The following RNF180 variants were observed in gnomAD, a reference collection of about 807,000 sequenced individuals.
RNF180 encodes E3 ubiquitin-protein ligase RNF180.
In RNF180, 38 loss-of-function variants were observed where a neutral mutation model predicts 59.2. The ratio of observed to expected loss-of-function variants is 0.64; its 90% CI spans 0.50 to 0.84. The LOEUF is 0.84. RNF180 is among the 40% of genes least tolerant of loss of function. The pLI is 0.00. For synonymous variants in RNF180, 262 were observed against 240.3 expected, an observed-to-expected ratio of 1.09 and a Z score of -0.84; for missense variants, 705 against 700.9, an observed-to-expected ratio of 1.01 and a Z score of -0.07.
rs1453284607 is a variant in RNF180, at chr5:64,369,839, A to G, written c.*25A>G. 1.6e-6 allele frequency: 2 copies of G among 1,259,078 alleles called. No homozygotes were observed. Among genetic ancestry groups the G allele is most frequent in the Non-Finnish European group, 1.1e-6 (1 of 947,934 alleles). 78.0% of individuals were successfully genotyped at this position (1,259,078 alleles called of 1,614,324 possible). ...GGAATTTCATACCTTACTACAATTG[A>G]CCAATCATAAATGATGTAAATAACA... On this transcript the variant is annotated 3_prime_UTR_variant, in exon 8 of 8. Coordinates refer to ENST00000389100, the MANE Select transcript of RNF180 (RefSeq NM_001113561.2).
rs1360140408 is a variant in RNF180, at chr5:64,370,391, T to C, written c.*577T>C. 1 of 151,716 alleles carries C rather than the reference T, an allele frequency of 6.6e-6. No homozygotes were observed. The highest frequency in any genetic ancestry group is 2.4e-5 in the African/African-American group (1 of 41,376). 9.4% of individuals were successfully genotyped at this position (151,716 alleles called of 1,614,324 possible). ...ATCTAATTAGTACAACATTTTAAAT[T>C]ATTATAAACAGAATACTAAATACAA... On this transcript the variant is annotated 3_prime_UTR_variant, in exon 8 of 8. Transcript: ENST00000389100.
At chr5:64,317,545 T>TATATATAC (rs1744104312) in intron 5 of RNF180, among the ~76,000 whole-genome samples, 1 of 140,212 alleles carries the variant, frequency 7.1e-6, no homozygotes, top group South Asian at 2.2e-4. Flanking sequence ...TATGTATATT[T>TATATATAC]ATATATACAT....
At chr5:64,172,649 C>T (rs1750002767) in intron 1 of RNF180, among the ~76,000 whole-genome samples, 1 of 152,132 alleles carries the variant, frequency 6.6e-6, no homozygotes. Flanking sequence ...ACGTTATGTC[C>T]TTTCTCTGTT....
intron 7 of RNF180, among the ~76,000 whole-genome samples, chr5:64,364,204 T>A (rs1286497300): frequency 6.6e-6 from 1 of 151,894 alleles, no homozygotes; most frequent in Non-Finnish European, 1.5e-5. Context: ...TTCAGTATGA[T>A]GTTGGCTGTG....
At chr5:64,339,255 TTAC>T (rs1461035878) in intron 7 of RNF180, among the ~76,000 whole-genome samples, 1 of 152,156 alleles carries the variant, frequency 6.6e-6, no homozygotes, top group Non-Finnish European at 1.5e-5. Context: ...ATCCTTTCTG[TTAC>T]TGTCTTTGGA....
chr5:64,358,270 A>G (rs1193766351), intron 7 of RNF180, among the ~76,000 whole-genome samples: 1 of 151,818 alleles, frequency 6.6e-6, no homozygotes, highest in Non-Finnish European at 1.5e-5. Flanking sequence ...TTAAACTGAT[A>G]AATGCCTCTA....
intron 2 of RNF180, among the ~76,000 whole-genome samples, chr5:64,205,731 A>G (rs1751981776): frequency 6.6e-6 from 1 of 152,174 alleles, no homozygotes; most frequent in Admixed American, 6.6e-5. Flanking sequence ...AGAGTTAAGT[A>G]GTTCCTATCA....
chr5:64,338,634 CAA>C (rs201803022), intron 7 of RNF180, among the ~76,000 whole-genome samples: 25 of 102,536 alleles, frequency 2.4e-4, no homozygotes, highest in Admixed American at 3.1e-4. Flanking sequence ...GACTCCATCT[CAA>C]AAAAAAAAAA....
At chr5:64,201,644 CAGTT>C (rs1349751154) in intron 2 of RNF180, among the ~76,000 whole-genome samples, 3 of 152,174 alleles carry the variant, frequency 2.0e-5, no homozygotes, top group South Asian at 4.1e-4. Context: ...TGTTTTACCT[CAGTT>C]AGATTTGATC....
At chr5:64,320,221 T>A (rs986094775) in intron 5 of RNF180, among the ~76,000 whole-genome samples, 3 of 152,188 alleles carry the variant, frequency 2.0e-5, no homozygotes, top group African/African-American at 7.2e-5. Flanking sequence ...CTAGTCTTGA[T>A]CCTGCCCTTC....
chr5:64,317,065 G>A lies in RNF180; in HGVS notation c.1228-8121G>A, dbSNP rs142003326. 2.9e-3 allele frequency among the ~76,000 whole-genome samples: 436 copies of A among 152,230 alleles called. 3 individuals are homozygous for A. Among genetic ancestry groups the A allele is most frequent in the Non-Finnish European group, 4.0e-3 (269 of 68,024 alleles). On this transcript the variant is annotated intron_variant, in intron 5 of 7. Transcript: ENST00000389100. ...CAGATGCAGAACCTGCAGACATGGA[G>A]GGCCAACTATATTTATTGAAAAAAA...
In RNF180 at chr5:64,242,603, A is replaced by T. The variant is rs541769789; in HGVS notation, c.1227+25207A>T. Among the ~76,000 whole-genome samples, 23 of 152,316 alleles carry T rather than the reference A, an allele frequency of 1.5e-4. No homozygotes were observed. In the South Asian group the frequency reaches 4.8e-3, roughly 32 times the overall value. ...AGTTTTGGGCATCATCAAAAGAACAAATCTTCAAGTTATAGGAGTTCAAGA... is the reference window on the plus strand; with the variant it reads ...AGTTTTGGGCATCATCAAAAGAACATATCTTCAAGTTATAGGAGTTCAAGA... On this transcript the variant is annotated intron_variant, in intron 5 of 7. Transcript: ENST00000389100.
intron 5 of RNF180, among the ~76,000 whole-genome samples, chr5:64,311,079 A>C (rs1743742445): frequency 6.6e-6 from 1 of 151,914 alleles, no homozygotes; most frequent in African/African-American, 2.4e-5. Flanking sequence ...TGGGTGGGGC[A>C]CAGTGGCTTA....
At chr5:64,250,004 G>C (rs1743459707) in intron 5 of RNF180, among the ~76,000 whole-genome samples, 1 of 152,136 alleles carries the variant, frequency 6.6e-6, no homozygotes, top group East Asian at 1.9e-4. Context: ...AACAGGTGCA[G>C]AATACACATT....
chr5:64,271,251 T>G (rs1741378639), intron 5 of RNF180, among the ~76,000 whole-genome samples: 2 of 152,080 alleles, frequency 1.3e-5, no homozygotes. Flanking sequence ...GTTAGTATTT[T>G]CTGGCATTTT....
At chr5:64,276,933 A>C (rs911459751) in intron 5 of RNF180, among the ~76,000 whole-genome samples, 1 of 151,812 alleles carries the variant, frequency 6.6e-6, no homozygotes, top group African/African-American at 2.4e-5. Context: ...GCCATTTAAC[A>C]CTCACAATCT....
At chr5:64,281,936 G>C (rs1221622300) in intron 5 of RNF180, among the ~76,000 whole-genome samples, 2 of 152,136 alleles carry the variant, frequency 1.3e-5, no homozygotes, top group Admixed American at 6.5e-5. Context: ...GACCTACCTT[G>C]CATCCCAGGG....
Position 64,307,443 on chromosome 5 carries a change from C to G in RNF180, c.1228-17743C>G, listed in dbSNP as rs996314448. On this transcript the variant is annotated intron_variant, in intron 5 of 7. Coordinates refer to ENST00000389100, the MANE Select transcript of RNF180 (RefSeq NM_001113561.2). ...AAGACATGGTTGAAATCCTTATTCT[C>G]TAACTGAGAAAACAAAATATTTTAA... Among the ~76,000 whole-genome samples the G allele has an allele frequency of 2.6e-5, 4 of 151,404 alleles. No homozygotes were observed. In the Admixed American group the frequency reaches 2.6e-4, roughly 10 times the overall value.
At chr5:64,191,308 AATT>A (rs1277710792) in intron 1 of RNF180, among the ~76,000 whole-genome samples, 8 of 152,178 alleles carry the variant, frequency 5.3e-5, no homozygotes, top group Admixed American at 4.6e-4. Flanking sequence ...TATTAACTAA[AATT>A]AATAATTTAC....
Sources: gnomAD v4.1 joint callset for allele counts (sites outside exome capture counted in the v4.1 genomes callset) on GRCh38, gnomAD v4.1.1 for gene constraint, MANE v1.5 for transcripts, NCBI Gene and HGNC (gene_info 2026-07-23, HGNC 2026-07-21) for gene names.